RALGAPB: variants seen among roughly 807,000 people sequenced by gnomAD.
RALGAPB encodes ral GTPase-activating protein subunit beta.
Under a neutral mutation model 161.1 loss-of-function variants are expected in RALGAPB, and 25 were observed. The ratio of observed to expected loss-of-function variants is 0.16; its 90% confidence interval spans 0.11 to 0.22. The LOEUF is 0.22. RALGAPB is among the 10% of genes least tolerant of loss of function. RALGAPB has a pLI of 1.00. For synonymous variants in RALGAPB, 629 were observed against 626.1 expected (o/e 1.00, Z -0.07); for missense variants, 1,391 against 1,815.2 (o/e 0.77, Z 4.25).
rs2086949575 is a variant in RALGAPB at position 38,541,053 on chromosome 20, G to A, written c.2575G>A (p.Glu859Lys). The A allele has an allele frequency of 6.2e-7, 1 of 1,613,892 alleles. No homozygotes were observed. The highest frequency in any genetic ancestry group is 1.3e-5 in the African/African-American group (1 of 74,926). ...DMLDEKDCLK[E>K]VLEIVELGIS... is the part of the protein sequence containing the mutation. ...TTCCTGCTTTTAGGACTGCCTTAAG[G>A]AAGTACTGGAGATTGTGGAACTGGG... Residue 859 changes from glutamate to lysine, a missense_variant, in exon 18 of 30, where the codon GAA becomes AAA. Transcript: ENST00000262879.
intron 1 of RALGAPB, among the ~76,000 whole-genome samples, chr20:38,473,862 T>C (rs1019709948): frequency 1.3e-5 from 2 of 152,174 alleles, no homozygotes; most frequent in African/African-American, 4.8e-5. Context: ...GATGCCCAAG[T>C]GATTCCAGCT....
At chr20:38,513,600 G>T (rs1246733829) in intron 6 of RALGAPB, among the ~76,000 whole-genome samples, 1 of 147,984 alleles carries the variant, frequency 6.8e-6, no homozygotes, top group Non-Finnish European at 1.5e-5. Context: ...AGTGAGCCAA[G>T]ATCATACCAC....
At position 38,535,138 on chromosome 20, in the gene RALGAPB, C is replaced by T. The variant is rs778484764; in HGVS notation, c.2310C>T (p.Leu770=). 1 of 1,614,050 alleles carries T rather than the reference C, an allele frequency of 6.2e-7. No homozygotes were observed. The highest frequency in any genetic ancestry group is 1.1e-5 in the South Asian group (1 of 91,086). The change falls in exon 16 of 30, where the codon CTC becomes CTT. Residue 770 remains leucine, a synonymous_variant. Transcript: ENST00000262879. ...GCATTCATCTCGTCACCCAAAGACT[C>T]AACTCCCAGTGGCGCCAAGACATGA... ...IRSIHLVTQR[L]NSQWRQDMSI...
intron 18 of RALGAPB, 125 bp from the exon 19 acceptor site, chr20:38,546,118 A>T (rs1226825686): frequency 6.6e-7 from 1 of 1,509,932 alleles, no homozygotes; most frequent in Admixed American, 2.0e-5. Context: ...AGTAAATCTG[A>T]CCTGTCAAGA....
intron 26 of RALGAPB, 33 bp downstream of exon 26, chr20:38,567,265 T>C (rs1237512776): frequency 6.2e-7 from 1 of 1,600,896 alleles, no homozygotes; most frequent in Non-Finnish European, 8.5e-7. Flanking sequence ...CTCCAAAATT[T>C]TGTAGTGAAA....
intron 18 of RALGAPB, among the ~76,000 whole-genome samples, chr20:38,543,386 C>G (rs62203388): frequency 1.3e-5 from 2 of 152,230 alleles, no homozygotes; most frequent in African/African-American, 2.4e-5. Flanking sequence ...TCCATCCCCT[C>G]CAACCTGGAT....
At chr20:38,517,484 T>C (rs779682910) in intron 7 of RALGAPB, 22 bp from the exon 8 acceptor site, 2 of 1,539,746 alleles carry the variant, frequency 1.3e-6, no homozygotes, top group Non-Finnish European at 1.7e-6. Flanking sequence ...ATAATTTCAT[T>C]TGTCTTTTTT....
chr20:38,562,402 A>G (rs1376871124), intron 23 of RALGAPB, 130 bp from the exon 24 acceptor site: 2 of 807,794 alleles, frequency 2.5e-6, no homozygotes, highest in Non-Finnish European at 3.7e-6. Flanking sequence ...ATAGTGATAT[A>G]TCCTCAAATT....
chr20:38,551,572 A>G lies in RALGAPB; in HGVS notation c.3162+349A>G, dbSNP rs6026457. On this transcript the variant is annotated intron_variant, in intron 21 of 29. Transcript: ENST00000262879. ...TAAGAAAGGAAGGACTATTTCACTCATATGGAATTTTAATATATAAAATGT... is the reference window on the plus strand; with the variant it reads ...TAAGAAAGGAAGGACTATTTCACTCGTATGGAATTTTAATATATAAAATGT... Among the ~76,000 whole-genome samples the G allele has an allele frequency of 8.5e-5, 13 of 152,336 alleles. 1 individual carries two copies. Among genetic ancestry groups the G allele is most frequent in the African/African-American group, 2.9e-4 (12 of 41,570 alleles).
At chr20:38,519,038 A>G (rs978993166) in intron 9 of RALGAPB, among the ~76,000 whole-genome samples, 1 of 152,178 alleles carries the variant, frequency 6.6e-6, no homozygotes, top group African/African-American at 2.4e-5. Flanking sequence ...TATACTCGTA[A>G]TTATTTTGAA....
chr20:38,509,700 T>C (rs912698193), intron 6 of RALGAPB, among the ~76,000 whole-genome samples: 1 of 152,220 alleles, frequency 6.6e-6, no homozygotes, highest in African/African-American at 2.4e-5. Context: ...AGTAATTCTC[T>C]TCAGTTCAGC....
chr20:38,516,617 A>G (rs1456728168), intron 7 of RALGAPB: 5 of 393,454 alleles, frequency 1.3e-5, no homozygotes, highest in African/African-American at 6.2e-5. Flanking sequence ...CCAAAACTGC[A>G]GTTACTTTTG....
At chr20:38,502,781 T>A (rs1322143667) in intron 5 of RALGAPB, among the ~76,000 whole-genome samples, 3 of 152,178 alleles carry the variant, frequency 2.0e-5, no homozygotes, top group African/African-American at 7.2e-5. Context: ...TTTTTAGTAT[T>A]TTTAGTAGAG....
At chr20:38,507,724 G>A (rs1034515670) in intron 5 of RALGAPB, among the ~76,000 whole-genome samples, 12 of 151,800 alleles carry the variant, frequency 7.9e-5, no homozygotes, top group African/African-American at 2.7e-4. Flanking sequence ...TTGAGATATG[G>A]TCTTGCTCTG....
chr20:38,517,465 C>G (rs933535287), intron 7 of RALGAPB, 41 bp from the exon 8 acceptor site: 17 of 1,515,690 alleles, frequency 1.1e-5, no homozygotes, highest in Non-Finnish European at 1.4e-5. Context: ...ATATTTTGAC[C>G]TATGAAGAAT....
intron 20 of RALGAPB, among the ~76,000 whole-genome samples, chr20:38,550,484 C>T (rs1287067843): frequency 6.6e-6 from 1 of 152,126 alleles, no homozygotes; most frequent in Non-Finnish European, 1.5e-5. Context: ...ATCCTGTCAT[C>T]AACTCTGTAA....
intron 9 of RALGAPB, among the ~76,000 whole-genome samples, chr20:38,520,580 G>GT (rs998624239): frequency 5.7e-5 from 7 of 121,918 alleles, no homozygotes; most frequent in Non-Finnish European, 1.0e-4. Flanking sequence ...CAGATTTAGT[G>GT]TTTGATTTGT....
chr20:38,516,627 G>A lies in RALGAPB; in HGVS notation c.1051+257G>A. The A allele has an allele frequency of 8.2e-6, 3 of 364,058 alleles. No homozygotes were observed. The South Asian group carries it at 1.7e-4, about 21-fold the overall frequency. 22.6% of individuals were successfully genotyped at this position (364,058 alleles called of 1,614,324 possible). A position where few individuals can be genotyped will look rare whatever the true frequency, so the allele number is the denominator to read the frequency against. Reference sequence around the variant, plus strand: ...TGCGGCCAAAACTGCAGTTACTTTTGCACCCACCTAATACATCAAACAAAG... The same window carrying A: ...TGCGGCCAAAACTGCAGTTACTTTTACACCCACCTAATACATCAAACAAAG... On this transcript the variant is annotated intron_variant, in intron 7 of 29. Coordinates refer to ENST00000262879, the MANE Select transcript of RALGAPB (RefSeq NM_020336.4).
At chr20:38,572,060 T>C (rs951663554) in intron 28 of RALGAPB, among the ~76,000 whole-genome samples, 3 of 152,182 alleles carry the variant, frequency 2.0e-5, no homozygotes, top group Admixed American at 1.3e-4. Flanking sequence ...CAATTAAATA[T>C]TAATAAAGAC....
Sources: gnomAD v4.1 joint callset for allele counts (sites outside exome capture counted in the v4.1 genomes callset) on GRCh38, gnomAD v4.1.1 for gene constraint, MANE v1.5 for transcripts, NCBI Gene and HGNC (gene_info 2026-07-23, HGNC 2026-07-21) for gene names.